Variants in CCSER2 observed in about 807,000 individuals in gnomAD.
The protein encoded by CCSER2 is serine-rich coiled-coil domain-containing protein 2.
Under a neutral mutation model 92.3 loss-of-function variants are expected in CCSER2, and 46 were observed. The ratio of observed to expected loss-of-function variants is 0.50; its 90% CI spans 0.39 to 0.64. The LOEUF is 0.64. CCSER2 is among the 30% of genes least tolerant of loss of function. CCSER2 has a pLI of 0.00. For synonymous variants in CCSER2, 433 were observed against 431.4 expected (o/e 1.00, Z -0.04); for missense variants, 1,244 against 1,238.9 (o/e 1.00, Z -0.06).
intron 6 of CCSER2, among the ~76,000 whole-genome samples, chr10:84,457,271 ATAATATATT>A (rs1440395151): frequency 7.8e-4 from 5 of 6,398 alleles, no homozygotes; most frequent in African/African-American, 2.2e-3. Context: ...TATATTATAT[ATAATATATT>A]ATATATTATA....
chr10:84,409,555 A>C (rs567467289), intron 3 of CCSER2, among the ~76,000 whole-genome samples: 1 of 151,586 alleles, frequency 6.6e-6, no homozygotes, highest in Non-Finnish European at 1.5e-5. Flanking sequence ...ATGCTGTTTT[A>C]GATAACTGCT....
chr10:84,462,381 G>A (rs1846150409), intron 6 of CCSER2, among the ~76,000 whole-genome samples: 1 of 152,140 alleles, frequency 6.6e-6, no homozygotes. Context: ...TGGGGTTCCT[G>A]CATTGCAGTT....
chr10:84,418,818 T>C (rs1356207211), intron 4 of CCSER2, among the ~76,000 whole-genome samples: 1 of 152,138 alleles, frequency 6.6e-6, no homozygotes, highest in African/African-American at 2.4e-5. Context: ...AAAATAAACG[T>C]GTATTTTTCT....
chr10:84,436,445 C>A (rs1033482427), intron 5 of CCSER2, among the ~76,000 whole-genome samples: 1 of 149,618 alleles, frequency 6.7e-6, no homozygotes, highest in African/African-American at 2.5e-5. Flanking sequence ...ACCATCCTGG[C>A]TAACACGGTA....
chr10:84,445,055 G>C (rs1844824691), intron 6 of CCSER2, among the ~76,000 whole-genome samples: 1 of 152,168 alleles, frequency 6.6e-6, no homozygotes, highest in South Asian at 2.1e-4. Context: ...CCTCTGTATA[G>C]TTTATTGCCT....
At chr10:84,449,244 G>A (rs1306417211) in intron 6 of CCSER2, among the ~76,000 whole-genome samples, 3 of 152,064 alleles carry the variant, frequency 2.0e-5, no homozygotes, top group Admixed American at 6.5e-5. Flanking sequence ...GCATGGTGGC[G>A]TGTGCCTGTA....
chr10:84,369,815 T>C (rs1368761397), intron 1 of CCSER2, among the ~76,000 whole-genome samples: 1 of 152,152 alleles, frequency 6.6e-6, no homozygotes, highest in African/African-American at 2.4e-5. Flanking sequence ...TCCATCTTGG[T>C]TGATTTTTGT....
chr10:84,419,064 A>C (rs1218863456), intron 4 of CCSER2, among the ~76,000 whole-genome samples: 1 of 152,194 alleles, frequency 6.6e-6, no homozygotes, highest in African/African-American at 2.4e-5. Flanking sequence ...CGTAAGATTT[A>C]CAGAAGTTTC....
intron 3 of CCSER2, among the ~76,000 whole-genome samples, chr10:84,400,647 T>A (rs1399418051): frequency 6.6e-6 from 1 of 152,154 alleles, no homozygotes; most frequent in Non-Finnish European, 1.5e-5. Flanking sequence ...GGCACAGTGG[T>A]GCATGCCTGT....
chr10:84,488,810 AGTTC>A (rs145641709), intron 9 of CCSER2, among the ~76,000 whole-genome samples: 53,116 of 151,114 alleles, frequency 0.35, 10,955 homozygotes, highest in East Asian at 0.49. Flanking sequence ...TTGCTTCTCT[AGTTC>A]TTTTAATTGC....
chr10:84,499,959 A>C, intron 9 of CCSER2: 1 of 1,613,974 alleles, frequency 6.2e-7, no homozygotes, highest in Non-Finnish European at 8.5e-7. Flanking sequence ...CCGCAGACAG[A>C]GTGAGTCTGT....
chr10:84,516,654 T>A lies in CCSER2; in HGVS notation c.*2387T>A, dbSNP rs1265096873. The A allele has an allele frequency of 6.6e-6, 1 of 152,206 alleles. No individual in the cohort carries two copies. The highest frequency in any genetic ancestry group is 1.5e-5 in the Non-Finnish European group (1 of 68,026). The allele number at this position is 152,206 out of a possible 1,614,324, so 9.4% of individuals were successfully genotyped here. ...TTTTAATTCCCTAGTCTGAGGGAAA[T>A]GTCTTTATTGTCCATTACATAAAAA... On this transcript the variant is annotated 3_prime_UTR_variant, in exon 10 of 10. Transcript: ENST00000372088.
chr10:84,463,729 TC>T (rs2053372178), intron 6 of CCSER2, among the ~76,000 whole-genome samples: 2 of 152,226 alleles, frequency 1.3e-5, no homozygotes, highest in Admixed American at 6.5e-5. Flanking sequence ...TTGCCGTAGC[TC>T]CCTTTTTTCT....
intron 6 of CCSER2, chr10:84,455,891 A>G: frequency 2.8e-6 from 2 of 702,904 alleles, no homozygotes; most frequent in Admixed American, 3.6e-5. Flanking sequence ...TTCATTATCA[A>G]GAAGTTCTGC....
intron 9 of CCSER2, among the ~76,000 whole-genome samples, chr10:84,501,862 C>CATATATATATATATATATATACTCAT (rs561729632): frequency 1.4e-5 from 1 of 69,522 alleles, no homozygotes; most frequent in African/African-American, 3.5e-5. Flanking sequence ...TATATATACT[C>CATATATATATATATATATATACTCAT]ATATATATAT....
chr10:84,502,776 G>GT (rs1848833125), intron 9 of CCSER2, among the ~76,000 whole-genome samples: 1 of 152,166 alleles, frequency 6.6e-6, no homozygotes, highest in Non-Finnish European at 1.5e-5. Flanking sequence ...GCAGTTTGTT[G>GT]TTTTTTAAGT....
intron 3 of CCSER2, among the ~76,000 whole-genome samples, chr10:84,380,525 C>G (rs1840841032): frequency 6.6e-6 from 1 of 151,392 alleles, no homozygotes; most frequent in Admixed American, 6.6e-5. Context: ...TCATATATGG[C>G]GTGTGTGTGT....
At chr10:84,457,167 ATGAT>A (rs1459221218) in intron 6 of CCSER2, among the ~76,000 whole-genome samples, 3 of 134,852 alleles carry the variant, frequency 2.2e-5, no homozygotes, top group Non-Finnish European at 3.1e-5. Context: ...ATTTACTTGA[ATGAT>A]TGCAGATATT....
intron 1 of CCSER2, among the ~76,000 whole-genome samples, chr10:84,352,816 CAG>C (rs1374696806): frequency 3.3e-5 from 5 of 151,096 alleles, no homozygotes; most frequent in Non-Finnish European, 2.9e-5. Flanking sequence ...TTTTTGGAGA[CAG>C]AGTCTCTTGT....
Sources: allele counts gnomAD v4.1 joint callset (sites outside exome capture counted in the v4.1 genomes callset), GRCh38; gene constraint gnomAD v4.1.1; transcripts MANE v1.5; gene names NCBI Gene and HGNC (gene_info 2026-07-23, HGNC 2026-07-21).